OTUD7B: variants seen among roughly 807,000 people sequenced by gnomAD.
OTUD7B encodes OTU domain-containing protein 7B.
Under a neutral mutation model 82.2 loss-of-function variants are expected in OTUD7B, and 34 were observed. The ratio of observed to expected loss-of-function variants is 0.41; its 90% CI spans 0.31 to 0.55. The LOEUF (loss-of-function observed/expected upper bound fraction) is 0.55. Among genes scored for constraint, OTUD7B ranks in the 20% least tolerant of loss-of-function variants. The probability of loss-of-function intolerance (pLI) is 0.20; values close to 1 mark genes in which losing one functional copy is unlikely to be tolerated. For synonymous variants in OTUD7B, 398 were observed against 402.7 expected (o/e 0.99, Z 0.14); for missense variants, 944 against 1,062.1 (o/e 0.89, Z 1.55).
chr1:149,980,658 G>A (rs1423785125), intron 1 of OTUD7B, among the ~76,000 whole-genome samples: 2 of 151,460 alleles, frequency 1.3e-5, no homozygotes, highest in Admixed American at 6.6e-5. Context: ...GTTGCAGTGA[G>A]CTGAGATGGC....
At chr1:150,061,294 T>C in the OTUD7B span, among the ~76,000 whole-genome samples, 1 of 152,238 alleles carries the variant, frequency 6.6e-6, no homozygotes, top group Non-Finnish European at 1.5e-5. Context: ...TATCATACTC[T>C]ACAAGGACTA....
At chr1:150,044,883 G>A in the OTUD7B span, among the ~76,000 whole-genome samples, 1 of 108,032 alleles carries the variant, frequency 9.3e-6, no homozygotes, top group African/African-American at 3.7e-5. Flanking sequence ...CTCTCTGATT[G>A]TGTGCCTTTA....
intron 2 of OTUD7B, among the ~76,000 whole-genome samples, chr1:149,972,213 T>C (rs1553777765): frequency 6.6e-6 from 1 of 152,244 alleles, no homozygotes; most frequent in Non-Finnish European, 1.5e-5. Flanking sequence ...AGAGCTGTTA[T>C]GAAGATTAGA....
intron 3 of OTUD7B, among the ~76,000 whole-genome samples, chr1:149,969,571 G>A (rs771278585): frequency 4.5e-4 from 69 of 151,800 alleles, no homozygotes; most frequent in Non-Finnish European, 7.1e-4. Flanking sequence ...TCAGGAGATC[G>A]ACACCATCCT....
Position 149,944,141 on chromosome 1 carries a change from C to T in OTUD7B, c.2248G>A (p.Glu750Lys). Residue 750 changes from glutamate to lysine, a missense_variant, in exon 12 of 12, where the codon GAG becomes AAG. Transcript: ENST00000581312. ...YPHQDSIPSL[E>K]PGSHSKDGLH... ...CCATCCTTAGAGTGGCTGCCTGGCTCCAGAGAAGGGATGCTGTCCTGGTGG... is the reference window on the plus strand; with the variant it reads ...CCATCCTTAGAGTGGCTGCCTGGCTTCAGAGAAGGGATGCTGTCCTGGTGG... 6.2e-7 allele frequency: 1 copy of T among 1,614,014 alleles called. No homozygotes were observed.
Position 149,944,094 on chromosome 1 carries a change from T to C in OTUD7B, c.2295A>G (p.Leu765=). 6.2e-7 allele frequency: 1 copy of C among 1,613,994 alleles called. No individual in the cohort carries two copies. The highest frequency in any genetic ancestry group is 1.3e-5 in the African/African-American group (1 of 75,002). Residue 765 remains leucine, a synonymous_variant, in exon 12 of 12, where the codon TTA becomes TTG. Transcript: ENST00000581312. ...SKDGLHRGAL[L]PPPYRVADSY... ...AATCAGCCACTCGGTAGGGGGGTGG[T>C]AACAAGGCACCCCTGTGAAGTCCAT... is the stretch of plus-strand genomic sequence containing the variant.
At chr1:149,991,239 A>AAC (rs1553782041) in intron 1 of OTUD7B, among the ~76,000 whole-genome samples, 3 of 151,988 alleles carry the variant, frequency 2.0e-5, no homozygotes, top group South Asian at 4.1e-4. Flanking sequence ...CAACCCCACA[A>AAC]ACACACACAC....
chr1:149,968,781 G>A (rs1003033935), intron 3 of OTUD7B, among the ~76,000 whole-genome samples: 2 of 152,146 alleles, frequency 1.3e-5, no homozygotes, highest in African/African-American at 4.8e-5. Flanking sequence ...TGCAGTCTCG[G>A]CTCACTGCAA....
At chr1:150,021,480 A>G in the OTUD7B span, among the ~76,000 whole-genome samples, 1 of 152,232 alleles carries the variant, frequency 6.6e-6, no homozygotes, top group Non-Finnish European at 1.5e-5. Flanking sequence ...GGTCAAATTC[A>G]GAGCCAAAAA....
chr1:150,042,471 GC>G, the OTUD7B span, among the ~76,000 whole-genome samples: 1 of 151,770 alleles, frequency 6.6e-6, no homozygotes, highest in Admixed American at 6.6e-5. Context: ...ACCGCAACCC[GC>G]CCCAAGAGTT....
chr1:149,965,682 TAA>T, intron 5 of OTUD7B, 93 bp downstream of exon 5: 1 of 855,358 alleles, frequency 1.2e-6, no homozygotes, highest in East Asian at 2.6e-5. Context: ...CATTTCCGCC[TAA>T]GATCAAGGTT....
In OTUD7B at chr1:149,971,045, T is replaced by C. The variant is rs1649886545; in HGVS notation, c.274+18A>G. 1 of 1,540,970 alleles carries C rather than the reference T, an allele frequency of 6.5e-7. No individual in the cohort carries two copies. The highest frequency in any genetic ancestry group is 2.3e-5 in the East Asian group (1 of 43,162). On this transcript the variant is annotated intron_variant, in intron 3 of 11. Coordinates refer to ENST00000581312, the MANE Select transcript of OTUD7B (RefSeq NM_020205.4). ...CCTTCCTACTCCATATACGGAAACA[T>C]TCCAGTCACCCCAGTACCTTGAACG...
the OTUD7B span, among the ~76,000 whole-genome samples, chr1:150,046,490 C>A: frequency 1.4e-5 from 2 of 143,474 alleles, no homozygotes; most frequent in Non-Finnish European, 1.5e-5. Flanking sequence ...CTCTGTCACC[C>A]AGGCTGGAGT....
chr1:149,962,171 G>A (rs1404948611), intron 6 of OTUD7B: 2 of 152,150 alleles, frequency 1.3e-5, no homozygotes, highest in South Asian at 2.1e-4. Context: ...ATCCAGATCC[G>A]GCTCCCTCTT....
chr1:149,949,439 T>C (rs920802161), intron 9 of OTUD7B, among the ~76,000 whole-genome samples, 190 bp downstream of exon 9: 7 of 142,596 alleles, frequency 4.9e-5, no homozygotes, highest in African/African-American at 1.0e-4. Context: ...AGAGGGTATA[T>C]AGGTCTTGCT....
rs140467684 is a variant in OTUD7B at position 150,009,879 on chromosome 1, T to C, written c.-67+569A>G. ...GTTTCCATCGGCTCATGGCAACTTTTCTTTTTTCTAAAGTTCTTAAGACTG... is the reference window on the plus strand; with the variant it reads ...GTTTCCATCGGCTCATGGCAACTTTCCTTTTTTCTAAAGTTCTTAAGACTG... On this transcript the variant is annotated intron_variant, in intron 1 of 11. Coordinates refer to ENST00000581312, the MANE Select transcript of OTUD7B (RefSeq NM_020205.4). Among the ~76,000 whole-genome samples the C allele has an allele frequency of 1.9e-3, 289 of 152,192 alleles. 2 individuals carry two copies. Among genetic ancestry groups the C allele is most frequent in the African/African-American group, 6.7e-3 (280 of 41,520 alleles).
rs1424726831 is a variant in OTUD7B, at chr1:149,942,312, T to A, written c.*1545A>T. The A allele has an allele frequency of 6.5e-6, 1 of 152,726 alleles. No homozygotes were observed. Among genetic ancestry groups the A allele is most frequent in the East Asian group, 1.9e-4 (1 of 5,192 alleles). The allele number at this position is 152,726 out of a possible 1,614,324, so 9.5% of individuals were successfully genotyped here. On this transcript the variant is annotated 3_prime_UTR_variant, in exon 12 of 12. Transcript: ENST00000581312. ...ATACAATTGCATAGTTGACTTTTTT[T>A]CCCGGAAAAAAATATAAAGAAAAAG... is the stretch of plus-strand genomic sequence containing the variant.
At position 149,967,339 on chromosome 1, in the gene OTUD7B, T is replaced by C; in HGVS notation, c.457A>G (p.Arg153Gly). Residue 153 changes from arginine to glycine, a missense_variant, in exon 4 of 12, where the codon AGA (arginine) becomes GGA (glycine). By Grantham distance (125) the Arg-to-Gly change is moderately radical. This residue lies in a region of OTUD7B where 530 missense variants were observed against 625.6 expected (regional missense o/e 0.85). Coordinates refer to ENST00000581312, the MANE Select transcript of OTUD7B (RefSeq NM_020205.4). Reference sequence around the variant, plus strand: ...AGCATGGACTGCTCAATGAGGTCTCTCTCTATGAAGCTGCGGAAGTCTTCA... The same window carrying C: ...AGCATGGACTGCTCAATGAGGTCTCCCTCTATGAAGCTGCGGAAGTCTTCA... ...YNEDFRSFIE[R>G]DLIEQSMLVA... is the part of the protein sequence containing the mutation. 6.2e-7 allele frequency: 1 copy of C among 1,614,086 alleles called. No homozygotes were observed. Among genetic ancestry groups the C allele is most frequent in the South Asian group, 1.1e-5 (1 of 91,062 alleles).
At chr1:150,044,635 A>C in the OTUD7B span, among the ~76,000 whole-genome samples, 1 of 151,206 alleles carries the variant, frequency 6.6e-6, no homozygotes, top group Non-Finnish European at 1.5e-5. Flanking sequence ...ACACCACTGC[A>C]CTCTAGCCTG....
Sources: allele counts gnomAD v4.1 joint callset (sites outside exome capture counted in the v4.1 genomes callset), GRCh38; gene constraint gnomAD v4.1.1; regional missense constraint gnomAD v4.1.1; transcripts MANE v1.5; gene names NCBI Gene and HGNC (gene_info 2026-07-23, HGNC 2026-07-21).